MAPK4: variants seen among roughly 807,000 people sequenced by gnomAD.
MAPK4 encodes Erk3-related.
In MAPK4, 22 loss-of-function variants were observed where a neutral mutation model predicts 47.7. The observed-to-expected ratio is 0.46, with a 90% CI of 0.33 to 0.66. The LOEUF (loss-of-function observed/expected upper bound fraction) is 0.66. Among genes scored for constraint, MAPK4 ranks in the 30% least tolerant of loss-of-function variants. The pLI is 0.02. For synonymous variants in MAPK4, 390 were observed against 365.7 expected, an observed-to-expected ratio of 1.07 and a Z score of -0.76; for missense variants, 736 against 831.7, an observed-to-expected ratio of 0.88 and a Z score of 1.42.
rs760833296 is a variant in MAPK4 at position 50,684,545 on chromosome 18, C to CAA, written c.546+20054_546+20055dup. Among the ~76,000 whole-genome samples the CAA allele has an allele frequency of 1.0e-3, 139 of 132,916 alleles. 1 individual carries two copies. Among genetic ancestry groups the CAA allele is most frequent in the Middle Eastern group, 3.8e-3 (1 of 264 alleles). The allele number at this position is 132,916 out of a possible 152,430, so 87.2% of individuals were successfully genotyped here. Reference sequence around the variant, plus strand: ...TGGGTGAGAGAGCGAGCCCCTGACTCAAAAAAAAAAAAAAGCTTTTATTCC... The same window carrying CAA: ...TGGGTGAGAGAGCGAGCCCCTGACTCAAAAAAAAAAAAAAAAGCTTTTATTCC... On this transcript the variant is annotated intron_variant, in intron 2 of 5. Coordinates refer to ENST00000400384, the MANE Select transcript of MAPK4 (RefSeq NM_002747.4).
intron 2 of MAPK4, among the ~76,000 whole-genome samples, chr18:50,706,510 G>C (rs1390458116): frequency 1.3e-5 from 2 of 151,214 alleles, no homozygotes; most frequent in African/African-American, 4.9e-5. Context: ...GCAGGTCTGA[G>C]AGCCCGTGCT....
At chr18:50,650,024 A>G (rs1000425829) in intron 1 of MAPK4, among the ~76,000 whole-genome samples, 3 of 152,182 alleles carry the variant, frequency 2.0e-5, no homozygotes, top group Non-Finnish European at 4.4e-5. Flanking sequence ...TACACTGTGC[A>G]GGTTAAATCC....
chr18:50,726,856 C>CAAA (rs60760704), intron 5 of MAPK4, among the ~76,000 whole-genome samples: 1 of 138,116 alleles, frequency 7.2e-6, no homozygotes, highest in African/African-American at 2.6e-5. Flanking sequence ...GAGACCCTGT[C>CAAA]AAAAAAAAAA....
Position 50,589,711 on chromosome 18 carries a change from TG to T in MAPK4, c.-871+29470del, listed in dbSNP as rs1230720421. ...CTGGTCAAAGAGGCACTTCACCAAT[TG>T]GCTGTGGCTAGAAATGGTTCTCTTT... On this transcript the variant is annotated intron_variant, in intron 1 of 5. Transcript: ENST00000400384. Among the ~76,000 whole-genome samples, 3 of 152,232 alleles carry T rather than the reference TG, an allele frequency of 2.0e-5. No individual in the cohort carries two copies. In the East Asian group the frequency reaches 5.8e-4, roughly 29 times the overall value.
rs558823124 is a variant in MAPK4 at position 50,597,199 on chromosome 18, A to G, written c.-871+36956A>G. ...AAGAAGCCTTCTGGACCAGATTGGG[A>G]TTTTTCTTTACTAACCTTTACTAAG... On this transcript the variant is annotated intron_variant, in intron 1 of 5. Transcript: ENST00000400384. Among the ~76,000 whole-genome samples, 7 of 152,218 alleles carry G rather than the reference A, an allele frequency of 4.6e-5. No individual in the cohort carries two copies. In the South Asian group the frequency reaches 8.3e-4, roughly 18 times the overall value.
rs371671338 is a variant in MAPK4, at chr18:50,648,861, C to T, written c.-870-14228C>T. Among the ~76,000 whole-genome samples the T allele has an allele frequency of 3.3e-5, 5 of 152,272 alleles. No homozygotes were observed. In the East Asian group the frequency reaches 9.6e-4, roughly 29 times the overall value. The stretch of plus-strand genomic sequence containing the variant: ...TGGGGGCAGGTCAGCAAGACTGTCC[C>T]AGGCCTTACTCCCAGCCACCATTGC... On this transcript the variant is annotated intron_variant, in intron 1 of 5. Coordinates refer to ENST00000400384, the MANE Select transcript of MAPK4 (RefSeq NM_002747.4).
chr18:50,685,646 A>G (rs1457822005), intron 2 of MAPK4, among the ~76,000 whole-genome samples: 1 of 152,168 alleles, frequency 6.6e-6, no homozygotes, highest in East Asian at 1.9e-4. Context: ...CCATCTGGAG[A>G]CCAAGACCCC....
chr18:50,701,384 T>C (rs1909780702), intron 2 of MAPK4, among the ~76,000 whole-genome samples: 1 of 152,176 alleles, frequency 6.6e-6, no homozygotes, highest in Non-Finnish European at 1.5e-5. Flanking sequence ...TTGAGAGCAA[T>C]CTGTTAGCAA....
At chr18:50,596,748 G>C (rs1347907076) in intron 1 of MAPK4, among the ~76,000 whole-genome samples, 1 of 152,202 alleles carries the variant, frequency 6.6e-6, no homozygotes, top group East Asian at 1.9e-4. Context: ...AGAGAAACTT[G>C]GCAATTATCA....
rs1265601947 is a variant in MAPK4, at chr18:50,675,523, CA to C, written c.546+11020del. Reference sequence around the variant, plus strand: ...ATTTATTTTTTTTGAGACAGGGTTTCACTCTGTTGCCAGGCTGGAGTGCAGT... The same window carrying C: ...ATTTATTTTTTTTGAGACAGGGTTTCCTCTGTTGCCAGGCTGGAGTGCAGT... On this transcript the variant is annotated intron_variant, in intron 2 of 5. Transcript: ENST00000400384. Among the ~76,000 whole-genome samples, 5 of 151,988 alleles carry C rather than the reference CA, an allele frequency of 3.3e-5. No homozygotes were observed. In the East Asian group the frequency reaches 5.8e-4, roughly 18 times the overall value.
At chr18:50,656,417 C>G (rs1489407775) in intron 1 of MAPK4, among the ~76,000 whole-genome samples, 1 of 152,208 alleles carries the variant, frequency 6.6e-6, no homozygotes. Flanking sequence ...GGGATCCCCC[C>G]ATAGGGCTGC....
chr18:50,671,360 G>C (rs997718227), intron 2 of MAPK4, among the ~76,000 whole-genome samples: 8 of 152,156 alleles, frequency 5.3e-5, no homozygotes, highest in Non-Finnish European at 7.4e-5. Context: ...GAAAACATAG[G>C]CTTTTCATTC....
chr18:50,705,973 C>G (rs1322757839), intron 2 of MAPK4: 1 of 152,206 alleles, frequency 6.6e-6, no homozygotes, highest in Non-Finnish European at 1.5e-5. Flanking sequence ...GGGATCAGAT[C>G]TCAGCTCTGC....
chr18:50,644,006 T>G (rs1049624405), intron 1 of MAPK4, among the ~76,000 whole-genome samples: 3 of 152,098 alleles, frequency 2.0e-5, no homozygotes, highest in Non-Finnish European at 4.4e-5. Context: ...TAATGCCCTC[T>G]CGGTGGAAAG....
chr18:50,619,413 A>G (rs2042711951), intron 1 of MAPK4, among the ~76,000 whole-genome samples: 1 of 152,238 alleles, frequency 6.6e-6, no homozygotes, highest in African/African-American at 2.4e-5. Context: ...TCCTGGACCC[A>G]AGTGATCCTC....
At chr18:50,686,703 G>A (rs1188245825) in intron 2 of MAPK4, among the ~76,000 whole-genome samples, 3 of 152,344 alleles carry the variant, frequency 2.0e-5, no homozygotes, top group East Asian at 1.9e-4. Flanking sequence ...AGACTGTCCT[G>A]AAATCCATGT....
chr18:50,615,678 A>T (rs983802902), intron 1 of MAPK4, among the ~76,000 whole-genome samples: 1 of 152,242 alleles, frequency 6.6e-6, no homozygotes, highest in African/African-American at 2.4e-5. Context: ...TTGGGTGACA[A>T]CTGGTAATCT....
At chr18:50,598,044 C>T (rs1437651) in intron 1 of MAPK4, among the ~76,000 whole-genome samples, 151,804 of 152,340 alleles carry the variant, frequency 1, 75,638 homozygotes, top group East Asian at 1. Context: ...AATTCACTCT[C>T]ACACATTCAT....
intron 4 of MAPK4, among the ~76,000 whole-genome samples, chr18:50,725,544 A>G (rs1470783770): frequency 6.6e-6 from 1 of 152,152 alleles, no homozygotes; most frequent in Non-Finnish European, 1.5e-5. Flanking sequence ...TGTGGCCCAC[A>G]CTGTCTCTGG....
Sources: gnomAD v4.1 joint callset for allele counts (sites outside exome capture counted in the v4.1 genomes callset) on GRCh38, gnomAD v4.1.1 for gene constraint, MANE v1.5 for transcripts, NCBI Gene and HGNC (gene_info 2026-07-23, HGNC 2026-07-21) for gene names.